Variants in VPS13C observed in about 807,000 individuals in gnomAD.
The protein encoded by VPS13C is vacuolar protein sorting 13 homolog C, also known as intermembrane lipid transfer protein VPS13C.
VPS13C carries 358 observed loss-of-function variants against 456.8 expected under a neutral mutation model. That is an observed-to-expected ratio of 0.78 (90% CI 0.72 to 0.86). VPS13C has a LOEUF of 0.86. Among genes scored for constraint, VPS13C ranks in the 40% least tolerant of loss-of-function variants. The pLI is 0.00. For synonymous variants in VPS13C, 1,578 were observed against 1,486.7 expected, an observed-to-expected ratio of 1.06 and a Z score of -1.41; for missense variants, 4,818 against 4,385.4, an observed-to-expected ratio of 1.10 and a Z score of -2.79.
At chr15:61,915,400 A>T (rs369719152) in intron 61 of VPS13C, among the ~76,000 whole-genome samples, 2 of 152,150 alleles carry the variant, frequency 1.3e-5, no homozygotes, top group South Asian at 2.1e-4. Context: ...TACTACTACT[A>T]CTTCAAGAAC....
Position 61,962,757 on chromosome 15 carries a change from G to C in VPS13C, c.3427C>G (p.His1143Asp). ...TGTTTACAATCACCTACTTTCTTAT[G>C]AACTGTCTTTGGATCAACATCTGTG... is the stretch of plus-strand genomic sequence containing the variant. ...IVTDVDPKTV[H>D]KKAVSIMGNE... Residue 1143 changes from histidine (H) to aspartate (D), a missense_variant, in exon 33 of 85, where the codon CAT becomes GAT. Physicochemically the swap from His to Asp is moderately conservative, Grantham distance 81. This residue lies in a region of VPS13C where 4,552 missense variants were observed against 4,130.6 expected (regional missense o/e 1.10). Transcript: ENST00000644861. 4 of 1,592,588 alleles carry C rather than the reference G, an allele frequency of 2.5e-6. No individual in the cohort carries two copies. Among genetic ancestry groups the C allele is most frequent in the Non-Finnish European group, 3.4e-6 (4 of 1,166,672 alleles).
rs904579128 is a variant in VPS13C at position 62,022,264 on chromosome 15, G to A, written c.624+1147C>T. The stretch of plus-strand genomic sequence containing the variant: ...TTTTTTCCTATATATACATACGTAT[G>A]ATAAAGTTTAATTTTACAAATTAGA... On this transcript the variant is annotated intron_variant, in intron 8 of 84. Coordinates refer to ENST00000644861, the MANE Select transcript of VPS13C (RefSeq NM_020821.3). 6.6e-5 allele frequency among the ~76,000 whole-genome samples: 10 copies of A among 151,878 alleles called. No homozygotes were observed. The East Asian group carries it at 1.2e-3, about 18-fold the overall frequency.
At chr15:61,893,757 T>A (rs1041969873) in intron 66 of VPS13C, among the ~76,000 whole-genome samples, 4 of 151,984 alleles carry the variant, frequency 2.6e-5, no homozygotes, top group African/African-American at 9.7e-5. Flanking sequence ...GACTTAAAAG[T>A]GTAGCATTTT....
At chr15:61,996,868 T>TAC (rs35800911) in intron 16 of VPS13C, among the ~76,000 whole-genome samples, 2,776 of 143,842 alleles carry the variant, frequency 0.019, 36 homozygotes, top group African/African-American at 0.036. Context: ...AAGGTCTAAA[T>TAC]ACACACACAC....
At chr15:61,869,321 T>A (rs995014372) in intron 80 of VPS13C, among the ~76,000 whole-genome samples, 179 bp downstream of exon 80, 12 of 152,142 alleles carry the variant, frequency 7.9e-5, no homozygotes, top group African/African-American at 2.9e-4. Flanking sequence ...TTTCACCATG[T>A]TCGCAAAATA....
chr15:61,860,488 T>C (rs1487284809), intron 82 of VPS13C, among the ~76,000 whole-genome samples: 1 of 152,130 alleles, frequency 6.6e-6, no homozygotes, highest in East Asian at 1.9e-4. Flanking sequence ...CTTTTAAAAT[T>C]TTATTCTAAT....
chr15:61,932,771 C>A (rs1408539325), intron 49 of VPS13C, among the ~76,000 whole-genome samples: 1 of 152,184 alleles, frequency 6.6e-6, no homozygotes, highest in Non-Finnish European at 1.5e-5. Flanking sequence ...AAATAATTCA[C>A]AAACTTTTAT....
chr15:61,945,927 T>C (rs986611887), intron 44 of VPS13C, 45 bp from the exon 45 acceptor site: 7 of 1,491,686 alleles, frequency 4.7e-6, no homozygotes, highest in African/African-American at 2.8e-5. Flanking sequence ...AAGAGCTGTA[T>C]AGCCCTTATC....
intron 81 of VPS13C, chr15:61,865,752 G>T: frequency 1.7e-6 from 1 of 592,576 alleles, no homozygotes; most frequent in Non-Finnish European, 2.1e-6. Flanking sequence ...ATCTGTATGT[G>T]TACATATATG....
In VPS13C at chr15:61,882,734, G is replaced by C; in HGVS notation, c.9486C>G (p.Val3162=). ...GWIKLDNNFE[V]NFDKDPMEMR... ...TTTCCATTGGATCTTTATCAAAATT[G>C]ACCTAGAAAAAAAGCACATGTTTTT... is the stretch of plus-strand genomic sequence containing the variant. The change falls in exon 69 of 85, where the codon GTC becomes GTG. Residue 3162 remains valine, a splice_region_variant and synonymous_variant. Transcript: ENST00000644861. 1 of 1,583,928 alleles carries C rather than the reference G, an allele frequency of 6.3e-7. No homozygotes were observed. The highest frequency in any genetic ancestry group is 1.2e-5 in the South Asian group (1 of 83,914).
Position 61,974,355 on chromosome 15 carries a change from T to A in VPS13C, c.2471A>T (p.Asp824Val), listed in dbSNP as rs1408764207. 1 of 1,612,752 alleles carries A rather than the reference T, an allele frequency of 6.2e-7. No homozygotes were observed. The highest frequency in any genetic ancestry group is 1.7e-5 in the Admixed American group (1 of 59,982). ...HVRISDQKMK[D>V]VLYLMNSIPL... ...TATACTGTTCATCAAATATAGCACA[T>A]CTTTCATCTTCTGGTCAGAAATTCT... Residue 824 changes from aspartate (D) to valine (V), a missense_variant, in exon 25 of 85, where the codon GAT becomes GTT. Coordinates refer to ENST00000644861, the MANE Select transcript of VPS13C (RefSeq NM_020821.3).
chr15:61,889,676 T>C (rs779261109), intron 67 of VPS13C, among the ~76,000 whole-genome samples: 19 of 152,194 alleles, frequency 1.2e-4, no homozygotes, highest in Non-Finnish European at 1.6e-4. Flanking sequence ...TTAAAGATTA[T>C]GTACTCATAT....
At chr15:61,979,449 C>T (rs1034975879) in intron 22 of VPS13C, among the ~76,000 whole-genome samples, 6 of 151,982 alleles carry the variant, frequency 3.9e-5, no homozygotes, top group African/African-American at 1.2e-4. Context: ...AAAACAAATA[C>T]CAAATTTATG....
intron 51 of VPS13C, 118 bp from the exon 52 acceptor site, chr15:61,927,438 A>C: frequency 1.4e-6 from 1 of 730,208 alleles, no homozygotes; most frequent in Non-Finnish European, 2.3e-6. Flanking sequence ...ATATGGTGAA[A>C]CTGACAATAT....
rs1277800709 is a variant in VPS13C, at chr15:61,892,874, A to C, written c.9106-2474T>G. ...GAAAAATGTATTAGAGGCTCTCAAC[A>C]GCAGACTGGATCAAGTAGAGGATGG... On this transcript the variant is annotated intron_variant, in intron 66 of 84. Coordinates refer to ENST00000644861, the MANE Select transcript of VPS13C (RefSeq NM_020821.3). Among the ~76,000 whole-genome samples, 3 of 152,240 alleles carry C rather than the reference A, an allele frequency of 2.0e-5. No homozygotes were observed. The East Asian group carries it at 5.8e-4, about 29-fold the overall frequency.
At chr15:62,059,758 G>A (rs573774796) in intron 1 of VPS13C, among the ~76,000 whole-genome samples, 13 of 152,282 alleles carry the variant, frequency 8.5e-5, no homozygotes, top group South Asian at 4.1e-4. Flanking sequence ...TCTCCTGCCC[G>A]TTCCTCTCCA....
chr15:62,035,172 A>G (rs950691172), intron 3 of VPS13C, 120 bp from the exon 4 acceptor site: 14 of 478,168 alleles, frequency 2.9e-5, no homozygotes, highest in Non-Finnish European at 1.1e-5. Flanking sequence ...CATCACTCAG[A>G]AAAAATGAAA....
rs2042607974 is a variant in VPS13C at position 61,890,219 on chromosome 15, A to G, written c.9287T>C (p.Leu3096Pro). 6.2e-7 allele frequency: 1 copy of G among 1,614,100 alleles called. No homozygotes were observed. The highest frequency in any genetic ancestry group is 8.5e-7 in the Non-Finnish European group (1 of 1,180,016). Residue 3096 changes from leucine to proline, a missense_variant, in exon 67 of 85, where the codon CTT becomes CCT. Physicochemically the swap from Leu to Pro is moderately conservative, Grantham distance 98. Coordinates refer to ENST00000644861, the MANE Select transcript of VPS13C (RefSeq NM_020821.3). Reference sequence around the variant, plus strand: ...CTTGCTTTCATTGTTAACCAGTGAAAGCCCAAGACTGTGGAGAGACAAGGT... The same window carrying G: ...CTTGCTTTCATTGTTAACCAGTGAAGGCCCAAGACTGTGGAGAGACAAGGT... ...EITLSLHSLGLSLVNNESKQE... is the reference protein window; with the variant it reads ...EITLSLHSLGPSLVNNESKQE...
chr15:61,984,805 G>C lies in VPS13C; in HGVS notation c.1721+52C>G, dbSNP rs2045989467. The C allele has an allele frequency of 7.7e-6, 12 of 1,550,306 alleles. No individual in the cohort carries two copies. The African/African-American group carries it at 1.1e-4, about 14-fold the overall frequency. On this transcript the variant is annotated intron_variant, in intron 19 of 84. Transcript: ENST00000644861. ...TAAACCTGAATAACACACATTTTTT[G>C]CCTAAAACTATAACTAAAAGTAAAA...
Sources: gnomAD v4.1 joint callset for allele counts (sites outside exome capture counted in the v4.1 genomes callset) on GRCh38, gnomAD v4.1.1 for gene constraint, gnomAD v4.1.1 regional missense constraint, MANE v1.5 for transcripts, NCBI Gene and HGNC (gene_info 2026-07-23, HGNC 2026-07-21) for gene names.